Variants in GRM3 observed in about 807,000 individuals in gnomAD.
GRM3 encodes glutamate metabotropic receptor 3.
Under a neutral mutation model 70.5 loss-of-function variants are expected in GRM3, and 26 were observed. The ratio of observed to expected loss-of-function variants is 0.37; its 90% CI spans 0.27 to 0.51. The LOEUF (loss-of-function observed/expected upper bound fraction) is 0.51. GRM3 is among the 20% of genes least tolerant of loss of function. The probability of loss-of-function intolerance (pLI) is 0.93; values close to 1 mark genes in which losing one functional copy is unlikely to be tolerated. For missense variants in GRM3, 859 were observed against 1,123.8 expected (o/e 0.76, Z 3.37); for synonymous variants, 443 against 434.9 (o/e 1.02, Z -0.23).
At chr7:86,797,998 C>T (rs762414020) in intron 3 of GRM3, among the ~76,000 whole-genome samples, 2 of 152,170 alleles carry the variant, frequency 1.3e-5, no homozygotes, top group Non-Finnish European at 2.9e-5. Context: ...CCTGCATGTG[C>T]ACAGAAGACA....
Position 86,854,463 on chromosome 7 carries a change from A to C in GRM3, c.2566+3919A>C, listed in dbSNP as rs1270824049. Reference sequence around the variant, plus strand: ...ATCTTGGAAAACTGAAAAGTTTTACATATTGCTATGTGCAAAAGAGTACAA... The same window carrying C: ...ATCTTGGAAAACTGAAAAGTTTTACCTATTGCTATGTGCAAAAGAGTACAA... On this transcript the variant is annotated intron_variant, in intron 5 of 5. Transcript: ENST00000361669. 5.3e-5 allele frequency among the ~76,000 whole-genome samples: 8 copies of C among 152,258 alleles called. No individual in the cohort carries two copies. The South Asian group carries it at 1.0e-3, about 20-fold the overall frequency.
chr7:86,652,008 G>A (rs1395242853), intron 1 of GRM3, among the ~76,000 whole-genome samples: 1 of 152,134 alleles, frequency 6.6e-6, no homozygotes, highest in East Asian at 1.9e-4. Flanking sequence ...TTCAGAAAAG[G>A]TAACTTTACC....
intron 3 of GRM3, among the ~76,000 whole-genome samples, chr7:86,828,966 A>G (rs1244068012): frequency 1.3e-5 from 2 of 152,224 alleles, no homozygotes; most frequent in East Asian, 3.8e-4. Context: ...CTTCTTCACC[A>G]GGTGTGGATT....
intron 2 of GRM3, among the ~76,000 whole-genome samples, chr7:86,785,765 T>C (rs1240834472): frequency 7.1e-6 from 1 of 139,964 alleles, no homozygotes; most frequent in African/African-American, 2.7e-5. Flanking sequence ...CCATGTGGCA[T>C]GCAGTTCCCA....
intron 1 of GRM3, among the ~76,000 whole-genome samples, chr7:86,761,505 G>A (rs893706435): frequency 6.6e-6 from 1 of 152,072 alleles, no homozygotes; most frequent in African/African-American, 2.4e-5. Context: ...AGGTAATGAA[G>A]CAAAAATAAT....
At chr7:86,760,536 A>T (rs1305105662) in intron 1 of GRM3, among the ~76,000 whole-genome samples, 1 of 152,126 alleles carries the variant, frequency 6.6e-6, no homozygotes, top group East Asian at 1.9e-4. Context: ...TGGCTGATTT[A>T]TAATGAAAAG....
intron 1 of GRM3, among the ~76,000 whole-genome samples, chr7:86,736,560 C>A (rs1795864723): frequency 6.6e-6 from 1 of 152,122 alleles, no homozygotes; most frequent in African/African-American, 2.4e-5. Flanking sequence ...GGAAACGTAG[C>A]AATTCTTCAG....
chr7:86,696,154 A>C lies in GRM3; in HGVS notation c.-141+51282A>C, dbSNP rs1794811974. 2.0e-5 allele frequency among the ~76,000 whole-genome samples: 3 copies of C among 152,186 alleles called. No individual in the cohort carries two copies. In the South Asian group the frequency reaches 6.2e-4, roughly 31 times the overall value. ...TCAGTCTGTCTGTAGAAGGCTGAAT[A>C]ATGCCCCCTATAAAAGATGTTCACC... On this transcript the variant is annotated intron_variant, in intron 1 of 5. Coordinates refer to ENST00000361669, the MANE Select transcript of GRM3 (RefSeq NM_000840.3).
At chr7:86,764,427 T>G (rs992222031) in intron 1 of GRM3, among the ~76,000 whole-genome samples, 17 of 152,140 alleles carry the variant, frequency 1.1e-4, no homozygotes, top group Admixed American at 9.2e-4. Flanking sequence ...CACAACACTT[T>G]TGTTAGAGCA....
rs749456155 is a variant in GRM3 at position 86,785,685 on chromosome 7, A to ATTTTTTTTTT, written c.469-552_469-543dup. 5.4e-4 allele frequency among the ~76,000 whole-genome samples: 35 copies of ATTTTTTTTTT among 65,240 alleles called. 4 individuals carry two copies. The highest frequency in any genetic ancestry group is 6.9e-4 in the Non-Finnish European group (24 of 34,864). 42.8% of individuals were successfully genotyped at this position (65,240 alleles called of 152,430 possible). On this transcript the variant is annotated intron_variant, in intron 2 of 5. Coordinates refer to ENST00000361669, the MANE Select transcript of GRM3 (RefSeq NM_000840.3). ...TTGGGTGGTGGACTAAATAGAATTG[A>ATTTTTTTTTT]TTTTTTTTTTTTTTTTTTTTTTTTT...
intron 1 of GRM3, among the ~76,000 whole-genome samples, chr7:86,692,220 T>C (rs1320068297): frequency 1.3e-5 from 2 of 152,196 alleles, no homozygotes; most frequent in Non-Finnish European, 2.9e-5. Context: ...ATAATAAGTG[T>C]TCTCAACAAG....
intron 1 of GRM3, among the ~76,000 whole-genome samples, chr7:86,658,526 C>G (rs1793807278): frequency 1.3e-5 from 2 of 152,116 alleles, no homozygotes; most frequent in Admixed American, 6.6e-5. Flanking sequence ...TATGTACTCC[C>G]CAAACTCTCT....
At chr7:86,693,453 C>A (rs150832341) in intron 1 of GRM3, among the ~76,000 whole-genome samples, 1 of 152,210 alleles carries the variant, frequency 6.6e-6, no homozygotes, top group Admixed American at 6.5e-5. Flanking sequence ...CTAAAGATTG[C>A]AGAAACAAAG....
chr7:86,805,496 A>G (rs1388443626), intron 3 of GRM3, among the ~76,000 whole-genome samples: 3 of 152,136 alleles, frequency 2.0e-5, no homozygotes, highest in African/African-American at 7.2e-5. Context: ...TATGCATTCT[A>G]TATGTTTTAA....
chr7:86,858,876 T>C (rs929144920), intron 5 of GRM3, among the ~76,000 whole-genome samples: 17 of 152,222 alleles, frequency 1.1e-4, no homozygotes, highest in African/African-American at 3.6e-4. Flanking sequence ...ATAATGAATA[T>C]GATGATCTTA....
intron 1 of GRM3, among the ~76,000 whole-genome samples, chr7:86,698,544 C>A (rs1378035224): frequency 1.4e-5 from 2 of 139,380 alleles, no homozygotes; most frequent in South Asian, 4.2e-4. Flanking sequence ...ATATAAAATA[C>A]ACATTATTAT....
chr7:86,861,708 G>A (rs1187502477), intron 5 of GRM3, among the ~76,000 whole-genome samples: 3 of 152,152 alleles, frequency 2.0e-5, no homozygotes, highest in Admixed American at 2.0e-4. Context: ...AAAAAAAATT[G>A]GAATGAGGTG....
chr7:86,717,597 C>T (rs911144512), intron 1 of GRM3, among the ~76,000 whole-genome samples: 1 of 151,866 alleles, frequency 6.6e-6, no homozygotes, highest in Admixed American at 6.6e-5. Flanking sequence ...AAAAAAGTAT[C>T]AAATTCCCTA....
At chr7:86,740,863 C>A in intron 1 of GRM3, among the ~76,000 whole-genome samples, 1 of 152,172 alleles carries the variant, frequency 6.6e-6, no homozygotes, top group East Asian at 1.9e-4. Context: ...TCACCATATC[C>A]ATTTTTTTCC....
Sources: allele counts gnomAD v4.1 joint callset (sites outside exome capture counted in the v4.1 genomes callset), GRCh38; gene constraint gnomAD v4.1.1; transcripts MANE v1.5; gene names NCBI Gene and HGNC (gene_info 2026-07-23, HGNC 2026-07-21).